Variants in LYRM4 observed in about 807,000 individuals in gnomAD.
LYRM4 encodes LYR motif-containing protein 4.
LYRM4 carries 9 observed loss-of-function variants against 11.7 expected under a neutral mutation model. The ratio of observed to expected loss-of-function variants is 0.77; its 90% confidence interval spans 0.46 to 1.34. The LOEUF is 1.34. Ranked by LOEUF, LYRM4 falls within the 40% of genes most tolerant of loss-of-function variation. LYRM4 has a pLI of 0.00. For synonymous variants in LYRM4, 42 were observed against 40.4 expected (o/e 1.04, Z -0.15); for missense variants, 133 against 112.5 (o/e 1.18, Z -0.82).
At chr6:5,136,024 A>C (rs1757076701) in intron 2 of LYRM4, 1 of 152,530 alleles carries the variant, frequency 6.6e-6, no homozygotes, top group Non-Finnish European at 1.5e-5. Flanking sequence ...TCTATGGCTT[A>C]TTTCACTTAG....
intron 2 of LYRM4, chr6:5,186,628 G>C: frequency 3.1e-6 from 3 of 982,214 alleles, no homozygotes; most frequent in Non-Finnish European, 3.6e-6. Context: ...TATTGTCTTG[G>C]AGTGGGAATT....
At chr6:5,179,072 A>AAAAAAAAAAAAAAAAAAAAAAAAAAAAAC (rs1759914818) in intron 2 of LYRM4, among the ~76,000 whole-genome samples, 1 of 81,454 alleles carries the variant, frequency 1.2e-5, no homozygotes, top group African/African-American at 3.6e-5. Flanking sequence ...AAACAAAAAA[A>AAAAAAAAAAAAAAAAAAAAAAAAAAAAAC]AAAAAAAAAA....
intron 1 of LYRM4, among the ~76,000 whole-genome samples, chr6:5,231,798 C>T (rs952266578): frequency 6.6e-6 from 1 of 152,158 alleles, no homozygotes; most frequent in Non-Finnish European, 1.5e-5. Context: ...TGTCTTGAAA[C>T]AAAGTTTGTT....
intron 2 of LYRM4, among the ~76,000 whole-genome samples, chr6:5,129,998 C>T (rs11242993): frequency 0.2 from 30,139 of 152,206 alleles, 3,188 homozygotes; most frequent in African/African-American, 0.26. Context: ...GCTTTTCTTA[C>T]AGATTATGTT....
intron 2 of LYRM4, among the ~76,000 whole-genome samples, chr6:5,124,827 C>T (rs572685577): frequency 2.0e-5 from 3 of 152,194 alleles, no homozygotes; most frequent in Admixed American, 6.5e-5. Context: ...GGGATAAGGC[C>T]GCAGACCATG....
At chr6:5,128,486 A>G (rs776266573) in intron 2 of LYRM4, among the ~76,000 whole-genome samples, 6 of 152,232 alleles carry the variant, frequency 3.9e-5, no homozygotes, top group Non-Finnish European at 7.3e-5. Context: ...AGTCAAAGTG[A>G]CAAGGCTGCC....
intron 2 of LYRM4, among the ~76,000 whole-genome samples, chr6:5,160,183 T>C (rs1043098673): frequency 6.6e-5 from 10 of 152,164 alleles, no homozygotes; most frequent in Non-Finnish European, 1.2e-4. Context: ...TTCTTCCCAG[T>C]GGATGCTAAG....
At position 5,126,316 on chromosome 6, in the gene LYRM4, A is replaced by G. The variant is rs552863644; in HGVS notation, c.208-16825T>C. Among the ~76,000 whole-genome samples, 68 of 152,304 alleles carry G rather than the reference A, an allele frequency of 4.5e-4. 1 individual carries two copies. The highest frequency in any genetic ancestry group is 1.6e-3 in the African/African-American group (65 of 41,564). Reference sequence around the variant, plus strand: ...CAGGCCACCAGCACCAACTGAGTATAATGCTCAGGGGAATGGAAACAAACC... The same window carrying G: ...CAGGCCACCAGCACCAACTGAGTATGATGCTCAGGGGAATGGAAACAAACC... On this transcript the variant is annotated intron_variant, in intron 2 of 2. Transcript: ENST00000330636.
chr6:5,122,737 A>G (rs555826251), intron 2 of LYRM4, among the ~76,000 whole-genome samples: 11 of 152,198 alleles, frequency 7.2e-5, no homozygotes, highest in Non-Finnish European at 1.3e-4. Context: ...GTGGGCCAAC[A>G]TCTGGCTCAT....
Position 5,121,267 on chromosome 6 carries a change from C to T in LYRM4, c.208-11776G>A, listed in dbSNP as rs769539887. On this transcript the variant is annotated intron_variant, in intron 2 of 2. Transcript: ENST00000330636. Reference sequence around the variant, plus strand: ...CACCCTACAGTGTTCCTATAGGATGCTATCGCCTGCTACACTGCTAGCTGA... The same window carrying T: ...CACCCTACAGTGTTCCTATAGGATGTTATCGCCTGCTACACTGCTAGCTGA... Among the ~76,000 whole-genome samples, 19 of 152,218 alleles carry T rather than the reference C, an allele frequency of 1.2e-4. 2 individuals are homozygous for T. Among genetic ancestry groups the T allele is most frequent in the Admixed American group, 7.2e-4 (11 of 15,290 alleles).
chr6:5,246,739 T>C (rs1764214123), intron 1 of LYRM4, among the ~76,000 whole-genome samples: 1 of 151,854 alleles, frequency 6.6e-6, no homozygotes, highest in Non-Finnish European at 1.5e-5. Flanking sequence ...TCCAGCTTTG[T>C]TGTGGCAGGT....
intron 2 of LYRM4, among the ~76,000 whole-genome samples, chr6:5,125,430 T>C (rs1252342408): frequency 6.6e-6 from 1 of 152,224 alleles, no homozygotes; most frequent in African/African-American, 2.4e-5. Context: ...CCCATTCACC[T>C]GTCAGTTCCT....
chr6:5,081,319 G>A, the LYRM4 span, among the ~76,000 whole-genome samples: 17 of 152,198 alleles, frequency 1.1e-4, no homozygotes, highest in Non-Finnish European at 2.1e-4. Context: ...CATCCATTGT[G>A]CCAGAGTGGA....
chr6:5,125,421 C>T (rs1179575183), intron 2 of LYRM4, among the ~76,000 whole-genome samples: 1 of 152,228 alleles, frequency 6.6e-6, no homozygotes, highest in African/African-American at 2.4e-5. Context: ...GCAAACACCC[C>T]CATTCACCTG....
chr6:5,247,703 C>G (rs766990729), intron 1 of LYRM4, among the ~76,000 whole-genome samples: 1 of 151,866 alleles, frequency 6.6e-6, no homozygotes, highest in Non-Finnish European at 1.5e-5. Context: ...GGTGGTAAAC[C>G]CTTTCAGAAC....
At chr6:5,081,523 C>T in the LYRM4 span, among the ~76,000 whole-genome samples, 3 of 152,164 alleles carry the variant, frequency 2.0e-5, no homozygotes, top group Non-Finnish European at 4.4e-5. Flanking sequence ...ATCCCTGTTG[C>T]AGGCTCATCC....
the LYRM4 span, among the ~76,000 whole-genome samples, chr6:5,038,022 G>A: frequency 8.9e-5 from 5 of 56,288 alleles, no homozygotes; most frequent in African/African-American, 2.4e-4. Context: ...GGTGGCTGCC[G>A]GACGGAGGGG....
At chr6:5,222,236 A>G (rs900772509) in intron 1 of LYRM4, among the ~76,000 whole-genome samples, 1 of 152,254 alleles carries the variant, frequency 6.6e-6, no homozygotes, top group African/African-American at 2.4e-5. Context: ...GAGCTTATCA[A>G]AATATCATAG....
intron 2 of LYRM4, among the ~76,000 whole-genome samples, chr6:5,141,053 A>G (rs1486110448): frequency 1.3e-5 from 2 of 152,370 alleles, no homozygotes; most frequent in East Asian, 1.9e-4. Context: ...CTGGATGTTC[A>G]GCTTTTTAAT....
Sources: allele counts gnomAD v4.1 joint callset (sites outside exome capture counted in the v4.1 genomes callset), GRCh38; gene constraint gnomAD v4.1.1; transcripts MANE v1.5; gene names NCBI Gene and HGNC (gene_info 2026-07-23, HGNC 2026-07-21).